The following CARF variants were observed in gnomAD, a reference collection of about 807,000 sequenced individuals.
CARF encodes calcium-responsive transcription factor.
CARF carries 57 observed loss-of-function variants against 82.0 expected under a neutral mutation model. The ratio of observed to expected loss-of-function variants is 0.70; its 90% CI spans 0.56 to 0.87. The LOEUF is 0.87. Ranked by LOEUF, CARF falls within the 40% of genes least tolerant of loss-of-function variation. The pLI, the probability that CARF is intolerant of heterozygous loss-of-function variation, is 0.00. For synonymous variants in CARF, 268 were observed against 290.1 expected (o/e 0.92, Z 0.77); for missense variants, 771 against 855.8 (o/e 0.90, Z 1.24).
In CARF at chr2:202,937,356, CAG is replaced by C. The variant is rs200399191; in HGVS notation, c.-43-4501_-43-4500del. Among the ~76,000 whole-genome samples the C allele has an allele frequency of 2.7e-3, 408 of 151,954 alleles. 11 individuals carry two copies. Among genetic ancestry groups the C allele is most frequent in the Admixed American group, 0.019 (294 of 15,240 alleles). On this transcript the variant is annotated intron_variant, in intron 3 of 16. Coordinates refer to ENST00000438828, the MANE Select transcript of CARF (RefSeq NM_024744.17). ...ACAATATTGAGATTATTATTTTATACAGAGTGTTTATTTAGATTTTTATAGAG... is the reference window on the plus strand; with the variant it reads ...ACAATATTGAGATTATTATTTTATACAGTGTTTATTTAGATTTTTATAGAG...
At chr2:202,952,758 C>T in intron 6 of CARF, 79 bp downstream of exon 6, 2 of 1,416,050 alleles carry the variant, frequency 1.4e-6, no homozygotes, top group Non-Finnish European at 1.9e-6. Flanking sequence ...TTATGAAAGT[C>T]AGTGCTAAAG....
rs1042560632 is a variant in CARF at position 202,987,014 on chromosome 2, T to G, written c.*3390T>G. ...CTTTTTATATTTTTCTTAGAGATAG[T>G]GGCAATTTTGTTCATCTTGAAGATG... is the stretch of plus-strand genomic sequence containing the variant. On this transcript the variant is annotated 3_prime_UTR_variant, in exon 17 of 17. Coordinates refer to ENST00000438828, the MANE Select transcript of CARF (RefSeq NM_024744.17). 2.7e-5 allele frequency: 4 copies of G among 150,272 alleles called. No individual in the cohort carries two copies. The highest frequency in any genetic ancestry group is 1.5e-5 in the Non-Finnish European group (1 of 67,656). 9.3% of individuals were successfully genotyped at this position (150,272 alleles called of 1,614,324 possible).
In CARF at chr2:202,942,888, A is replaced by G. The variant is rs1372725048; in HGVS notation, c.227A>G (p.Glu76Gly). ...ACTCAGACACAGACTCTTTCTGCAG[A>G]GCAATTCCATCTAGTGGACCAAAAT... Reference protein sequence around the residue: ...PLTQTQTLSAEQFHLVDQNGQ... With the variant: ...PLTQTQTLSAGQFHLVDQNGQ... The change falls in exon 5 of 17, where the codon GAG (glutamate) becomes GGG (glycine). Residue 76 changes from glutamate to glycine, a missense_variant. Coordinates refer to ENST00000438828, the MANE Select transcript of CARF (RefSeq NM_024744.17). 6.2e-7 allele frequency: 1 copy of G among 1,614,200 alleles called. No homozygotes were observed. The highest frequency in any genetic ancestry group is 1.3e-5 in the African/African-American group (1 of 75,044).
chr2:202,983,083 G>C (rs1356518413), intron 16 of CARF, among the ~76,000 whole-genome samples: 5 of 151,776 alleles, frequency 3.3e-5, no homozygotes, highest in African/African-American at 9.7e-5. Context: ...AAACCAGCCT[G>C]TTGCGCAGGC....
chr2:202,957,036 G>T (rs1264850604), intron 8 of CARF, among the ~76,000 whole-genome samples: 1 of 151,794 alleles, frequency 6.6e-6, no homozygotes, highest in African/African-American at 2.4e-5. Context: ...TGATCCTCCC[G>T]CCTCAGCCTC....
At position 202,952,685 on chromosome 2, in the gene CARF, TAACAACGGG is replaced by T. The variant is rs2058811972; in HGVS notation, c.427+8_427+16del. 6.2e-7 allele frequency: 1 copy of T among 1,608,220 alleles called. No individual in the cohort carries two copies. The highest frequency in any genetic ancestry group is 1.1e-5 in the South Asian group (1 of 89,862). On this transcript the variant is annotated splice_region_variant and intron_variant, in intron 6 of 16. Coordinates refer to ENST00000438828, the MANE Select transcript of CARF (RefSeq NM_024744.17). ...GGATGTGAATAGTCCTCGGGGTGAGTAACAACGGGATATAGGGGATTTGAGAGTGTTTTA... is the reference window on the plus strand; with the variant it reads ...GGATGTGAATAGTCCTCGGGGTGAGTATATAGGGGATTTGAGAGTGTTTTA...
chr2:202,932,764 G>A (rs754609641), intron 3 of CARF, among the ~76,000 whole-genome samples: 7 of 151,952 alleles, frequency 4.6e-5, no homozygotes, highest in Non-Finnish European at 1.0e-4. Flanking sequence ...TACGGAGAAG[G>A]GTGTCTTAGC....
intron 14 of CARF, among the ~76,000 whole-genome samples, chr2:202,980,031 C>T (rs879308693): frequency 1.3e-5 from 2 of 152,152 alleles, no homozygotes; most frequent in African/African-American, 2.4e-5. Flanking sequence ...GATCTTGGCT[C>T]ATTGTATCCT....
At chr2:202,921,851 G>T (rs1690861705) in intron 2 of CARF, among the ~76,000 whole-genome samples, 1 of 151,412 alleles carries the variant, frequency 6.6e-6, no homozygotes, top group African/African-American at 2.4e-5. Context: ...CCTGAGATGG[G>T]GTCTCACTCT....
intron 3 of CARF, among the ~76,000 whole-genome samples, chr2:202,940,480 A>G (rs771719330): frequency 2.9e-4 from 44 of 152,014 alleles, no homozygotes; most frequent in Non-Finnish European, 2.9e-4. Flanking sequence ...TGGTGACTCA[A>G]TCTCATGGTG....
At chr2:202,954,854 A>T (rs966124942) in intron 7 of CARF, among the ~76,000 whole-genome samples, 25 of 145,946 alleles carry the variant, frequency 1.7e-4, no homozygotes, top group Non-Finnish European at 3.5e-4. Flanking sequence ...CTAAAAATAC[A>T]AAAAAAAAAA....
chr2:202,926,356 T>C (rs140412823), intron 3 of CARF, among the ~76,000 whole-genome samples: 9 of 152,330 alleles, frequency 5.9e-5, no homozygotes, highest in Non-Finnish European at 8.8e-5. Context: ...CCTAGTTCAA[T>C]TGTTTTTTCA....
intron 8 of CARF, among the ~76,000 whole-genome samples, chr2:202,957,903 G>A (rs977471893): frequency 6.6e-6 from 1 of 151,532 alleles, no homozygotes; most frequent in East Asian, 1.9e-4. Context: ...CCAACATCAC[G>A]CCACTGCATT....
intron 5 of CARF, among the ~76,000 whole-genome samples, chr2:202,952,086 C>T (rs1037197443): frequency 6.6e-6 from 1 of 152,118 alleles, no homozygotes; most frequent in Non-Finnish European, 1.5e-5. Flanking sequence ...CTTCCTTGGC[C>T]TCCCAAAGTG....
At chr2:202,936,536 T>C (rs1358664579) in intron 3 of CARF, among the ~76,000 whole-genome samples, 1 of 152,234 alleles carries the variant, frequency 6.6e-6, no homozygotes, top group African/African-American at 2.4e-5. Context: ...ATGTGACCTT[T>C]TGTGTGTGGC....
At chr2:202,921,285 G>A (rs1260567257) in intron 2 of CARF, among the ~76,000 whole-genome samples, 4 of 152,208 alleles carry the variant, frequency 2.6e-5, no homozygotes, top group Non-Finnish European at 5.9e-5. Context: ...GATTACAGGT[G>A]TGAGCCACTG....
In CARF at chr2:202,967,112, T is replaced by C. The variant is rs2059588357; in HGVS notation, c.953+14T>C. 3 of 1,608,648 alleles carry C rather than the reference T, an allele frequency of 1.9e-6. No homozygotes were observed. The highest frequency in any genetic ancestry group is 2.5e-6 in the Non-Finnish European group (3 of 1,178,606). ...TTGTCCAGCTCGGTAAGCTTTATTT[T>C]CTTTTATTTGTTTTCTATTAAGAAC... On this transcript the variant is annotated intron_variant, in intron 10 of 16. Coordinates refer to ENST00000438828, the MANE Select transcript of CARF (RefSeq NM_024744.17).
At chr2:202,977,449 C>A in intron 14 of CARF, 117 bp downstream of exon 14, 1 of 726,658 alleles carries the variant, frequency 1.4e-6, no homozygotes, top group Non-Finnish European at 2.4e-6. Context: ...GATCCAAAGA[C>A]GTAGGAGCAG....
In CARF at chr2:202,942,834, T is replaced by C. The variant is rs1273919951; in HGVS notation, c.173T>C (p.Leu58Pro). 6.2e-7 allele frequency: 1 copy of C among 1,614,012 alleles called. No individual in the cohort carries two copies. The highest frequency in any genetic ancestry group is 1.1e-5 in the South Asian group (1 of 91,072). The change falls in exon 5 of 17, where the codon CTC (leucine) becomes CCC (proline). Residue 58 changes from leucine to proline, a missense_variant. Transcript: ENST00000438828. ...PITTREANNS[L>P]ISQNIPGPLT... The stretch of plus-strand genomic sequence containing the variant: ...ACTACTCGTGAAGCAAATAATTCAC[T>C]CATATCACAGAATATACCAGGGCCC...
Sources: gnomAD v4.1 joint callset for allele counts (sites outside exome capture counted in the v4.1 genomes callset) on GRCh38, gnomAD v4.1.1 for gene constraint, MANE v1.5 for transcripts, NCBI Gene and HGNC (gene_info 2026-07-23, HGNC 2026-07-21) for gene names.